The following OBP2B variants were observed in gnomAD, a reference collection of about 807,000 sequenced individuals.
The protein encoded by OBP2B is odorant-binding protein 2b.
OBP2B carries 10 observed loss-of-function variants against 21.7 expected under a neutral mutation model. The observed-to-expected ratio is 0.46, with a 90% CI of 0.28 to 0.78. The LOEUF (loss-of-function observed/expected upper bound fraction) is 0.78, where lower values mean the gene tolerates loss of function less well. Among genes scored for constraint, OBP2B ranks in the 30% least tolerant of loss-of-function variants. The pLI is 0.11. For synonymous variants in OBP2B, 73 were observed against 91.5 expected (o/e 0.80, Z 1.16); for missense variants, 153 against 217.7 (o/e 0.70, Z 1.87).
chr9:133,215,684 A>T, the OBP2B span, among the ~76,000 whole-genome samples: 4 of 152,296 alleles, frequency 2.6e-5, no homozygotes, highest in South Asian at 8.3e-4. Flanking sequence ...ATACCCAGCT[A>T]CAGGCTACCC....
chr9:133,211,188 G>A (rs1256411204), upstream of OBP2B, among the ~76,000 whole-genome samples: 3 of 152,158 alleles, frequency 2.0e-5, no homozygotes, highest in Non-Finnish European at 4.4e-5. Flanking sequence ...GTGCTGGCTG[G>A]GACTGAGGCA....
chr9:133,213,787 T>C (rs1232844099), upstream of OBP2B, among the ~76,000 whole-genome samples: 1 of 152,224 alleles, frequency 6.6e-6, no homozygotes, highest in African/African-American at 2.4e-5. Flanking sequence ...ATTTTAATTT[T>C]AAAAGCTTCC....
the OBP2B span, among the ~76,000 whole-genome samples, chr9:133,218,603 T>G: frequency 6.6e-6 from 1 of 152,110 alleles, no homozygotes. Context: ...GGCCCCCAGG[T>G]GCAAAACGCT....
At chr9:133,207,169 G>C in intron 4 of OBP2B, 57 bp downstream of exon 4, 1 of 1,211,304 alleles carries the variant, frequency 8.3e-7, no homozygotes, top group Non-Finnish European at 1.2e-6. Flanking sequence ...TGGTTCCACC[G>C]GCTTCCAGAG....
upstream of OBP2B, chr9:133,209,369 T>A: frequency 2.7e-6 from 2 of 748,790 alleles, no homozygotes; most frequent in Non-Finnish European, 4.5e-6. This position sits in a 1 kb window ranked among gnomAD's most constrained non-coding sequence, Gnocchi z 6.0. Flanking sequence ...GGAGGGGGAG[T>A]GTCCTCATTG....
chr9:133,219,081 T>C, the OBP2B span, among the ~76,000 whole-genome samples: 2 of 152,232 alleles, frequency 1.3e-5, no homozygotes, highest in South Asian at 2.1e-4. Context: ...GATGTCCACA[T>C]GCAAAAGACT....
rs781806011 is a variant in OBP2B at position 133,206,328 on chromosome 9, C to A, written c.477G>T (p.Thr159=). Residue 159 remains threonine, a synonymous_variant, in exon 5 of 7, where the codon ACG becomes ACT. Transcript: ENST00000372034. ...RKGLSEEDIF[T]PLQTGSCVPE... ...AGCCATCCTCACCCGTCTGCAGGGG[C>A]GTGAAAATGTCCTCCTCCGAGAGTC... 8.7e-6 allele frequency: 14 copies of A among 1,613,850 alleles called. No homozygotes were observed. Among genetic ancestry groups the A allele is most frequent in the Non-Finnish European group, 1.2e-5 (14 of 1,179,880 alleles).
chr9:133,221,505 C>A, the OBP2B span, among the ~76,000 whole-genome samples: 1 of 152,182 alleles, frequency 6.6e-6, no homozygotes, highest in East Asian at 1.9e-4. Flanking sequence ...GGACGTGGCA[C>A]CCACTGGAAC....
Position 133,209,161 on chromosome 9 carries a change from G to C in OBP2B, c.39C>G (p.Ala13=), listed in dbSNP as rs565109635. 6.2e-7 allele frequency: 1 copy of C among 1,604,406 alleles called. No homozygotes were observed. Among genetic ancestry groups the C allele is most frequent in the East Asian group, 2.2e-5 (1 of 44,470 alleles). Residue 13 remains alanine, a synonymous_variant, in exon 1 of 7, where the codon GCC becomes GCG. Coordinates refer to ENST00000372034, the MANE Select transcript of OBP2B (RefSeq NM_014581.4). This position sits in a 1 kb window ranked among gnomAD's most constrained non-coding sequence, Gnocchi z 6.0. Reference sequence around the variant, plus strand: ...CCTCCAGGGTGAAGGACAGGGCAGCGGCCAGGCCGAGCGTGACACCCAGGA... The same window carrying C: ...CCTCCAGGGTGAAGGACAGGGCAGCCGCCAGGCCGAGCGTGACACCCAGGA... ...TLFLGVTLGL[A]AALSFTLEEE...
upstream of OBP2B, among the ~76,000 whole-genome samples, chr9:133,210,709 C>T (rs1221152390): frequency 6.6e-6 from 1 of 152,182 alleles, no homozygotes; most frequent in African/African-American, 2.4e-5. Flanking sequence ...CAGGGCTCTC[C>T]CATGAGGTCC....
upstream of OBP2B, among the ~76,000 whole-genome samples, chr9:133,209,478 G>C (rs1350002082): frequency 6.6e-6 from 1 of 152,104 alleles, no homozygotes; most frequent in African/African-American, 2.4e-5. The surrounding 1 kb of genome is among the most constrained non-coding windows in gnomAD (Gnocchi z 6.0). Flanking sequence ...ACTCAGATGA[G>C]CCCAGAGGAC....
At chr9:133,207,099 CG>C in intron 4 of OBP2B, 126 bp downstream of exon 4, 1 of 691,838 alleles carries the variant, frequency 1.4e-6, no homozygotes, top group Non-Finnish European at 2.5e-6. Context: ...CAGCGGTGCC[CG>C]GCACATGAAA....
At chr9:133,206,556 G>A (rs1288053519) in intron 4 of OBP2B, 140 bp from the exon 5 acceptor site, 17 of 1,103,790 alleles carry the variant, frequency 1.5e-5, no homozygotes, top group Non-Finnish European at 2.2e-5. Flanking sequence ...TCGGGGGTGG[G>A]GCTGGGGACA....
At chr9:133,215,353 A>G in the OBP2B span, among the ~76,000 whole-genome samples, 1 of 152,256 alleles carries the variant, frequency 6.6e-6, no homozygotes, top group South Asian at 2.1e-4. Context: ...CTCAAATAAT[A>G]TAAAGATTTA....
At chr9:133,219,340 C>A in the OBP2B span, among the ~76,000 whole-genome samples, 2 of 152,160 alleles carry the variant, frequency 1.3e-5, no homozygotes, top group Admixed American at 6.5e-5. Flanking sequence ...AGATACAGAA[C>A]GTGAGAAAAT....
At chr9:133,207,604 C>T (rs550642690) in intron 3 of OBP2B, among the ~76,000 whole-genome samples, 2 of 152,264 alleles carry the variant, frequency 1.3e-5, no homozygotes, top group Admixed American at 1.3e-4. Context: ...CCCCACTTCC[C>T]TGTCCCTAAC....
At chr9:133,207,788 C>T (rs1833785892) in intron 3 of OBP2B, 2 of 1,227,792 alleles carry the variant, frequency 1.6e-6, no homozygotes, top group Admixed American at 2.1e-5. Context: ...CCCTCAGCTT[C>T]CCCATCCTTA....
chr9:133,205,496 G>A (rs1346219049), intron 6 of OBP2B, 85 bp from the exon 7 acceptor site: 6 of 954,332 alleles, frequency 6.3e-6, no homozygotes, highest in Non-Finnish European at 7.7e-6. Context: ...AGGCTCTGCA[G>A]CCCCCACATC....
the OBP2B span, among the ~76,000 whole-genome samples, chr9:133,218,545 G>C: frequency 1.3e-5 from 2 of 152,202 alleles, no homozygotes; most frequent in Non-Finnish European, 2.9e-5. Context: ...GGGCATCCAG[G>C]AGAACAGGGG....
Sources: allele counts gnomAD v4.1 joint callset (sites outside exome capture counted in the v4.1 genomes callset), GRCh38; gene constraint gnomAD v4.1.1; non-coding constraint Gnocchi (gnomAD v3.1); transcripts MANE v1.5; gene names NCBI Gene and HGNC (gene_info 2026-07-23, HGNC 2026-07-21).